The following NLGN1 variants were observed in gnomAD, a reference collection of about 807,000 sequenced individuals.
NLGN1 encodes the protein neuroligin-1.
A neutral mutation model predicts 65.5 loss-of-function variants in NLGN1; 12 were observed. The ratio of observed to expected loss-of-function variants is 0.18; its 90% confidence interval spans 0.12 to 0.30. The LOEUF is 0.30. NLGN1 is among the 10% of genes least tolerant of loss of function. The pLI, the probability that NLGN1 is intolerant of heterozygous loss-of-function variation, is 1.00. For missense variants in NLGN1, 750 were observed against 1,007.1 expected (o/e 0.74, Z 3.46); for synonymous variants, 350 against 359.5 (o/e 0.97, Z 0.30).
At chr3:173,848,478 T>C (rs1454706899) in intron 4 of NLGN1, among the ~76,000 whole-genome samples, 1 of 152,210 alleles carries the variant, frequency 6.6e-6, no homozygotes, top group Non-Finnish European at 1.5e-5. Context: ...TTCAAGTTAT[T>C]TATTTCATAA....
intron 4 of NLGN1, among the ~76,000 whole-genome samples, chr3:174,263,622 C>G (rs1747402961): frequency 6.6e-6 from 1 of 152,012 alleles, no homozygotes; most frequent in Non-Finnish European, 1.5e-5. Flanking sequence ...ACTGATGGGT[C>G]TTGACTCTTT....
intron 4 of NLGN1, among the ~76,000 whole-genome samples, chr3:174,109,980 A>G (rs998227693): frequency 3.3e-5 from 5 of 152,078 alleles, no homozygotes; most frequent in East Asian, 3.8e-4. Flanking sequence ...AAGAACTGCA[A>G]AAACCTAAAT....
At chr3:173,759,351 C>T (rs763538547) in intron 3 of NLGN1, among the ~76,000 whole-genome samples, 1 of 151,884 alleles carries the variant, frequency 6.6e-6, no homozygotes, top group Non-Finnish European at 1.5e-5. Context: ...ATTTATTCAA[C>T]CATTTTCCTA....
intron 4 of NLGN1, among the ~76,000 whole-genome samples, chr3:174,128,046 A>C (rs1719334529): frequency 1.3e-5 from 2 of 152,132 alleles, no homozygotes; most frequent in South Asian, 4.1e-4. Context: ...TCTCAATGAG[A>C]ATTTGTTGAA....
chr3:173,981,704 C>G (rs1718823323), intron 4 of NLGN1, among the ~76,000 whole-genome samples: 1 of 151,850 alleles, frequency 6.6e-6, no homozygotes. Flanking sequence ...ATAGTGTTTC[C>G]TCTTTGTGTA....
At position 174,116,007 on chromosome 3, in the gene NLGN1, T is replaced by C. The variant is rs1180350873; in HGVS notation, c.647-159308T>C. Among the ~76,000 whole-genome samples the C allele has an allele frequency of 2.0e-5, 3 of 152,166 alleles. No homozygotes were observed. The East Asian group carries it at 5.8e-4, about 29-fold the overall frequency. On this transcript the variant is annotated intron_variant, in intron 4 of 6. Transcript: ENST00000457714. ...GCATATGCCTTGTACCATCTAAAAT[T>C]TCCTAGTAAAAACTCTGAGAATATT...
chr3:174,082,031 A>G (rs989086375), intron 4 of NLGN1, among the ~76,000 whole-genome samples: 1 of 152,206 alleles, frequency 6.6e-6, no homozygotes, highest in Non-Finnish European at 1.5e-5. Context: ...TGTAAGATTG[A>G]TACTGAAAAA....
intron 3 of NLGN1, among the ~76,000 whole-genome samples, chr3:173,688,137 G>C (rs1404972003): frequency 9.2e-5 from 14 of 152,136 alleles, no homozygotes; most frequent in Non-Finnish European, 1.5e-5. Context: ...CTTTTCAAAG[G>C]CATTTTTTCA....
At chr3:173,743,322 G>A (rs1163605145) in intron 3 of NLGN1, among the ~76,000 whole-genome samples, 2 of 152,088 alleles carry the variant, frequency 1.3e-5, no homozygotes, top group Admixed American at 6.6e-5. Context: ...GTCCTAGAGT[G>A]TAGTCTAAAT....
chr3:174,178,629 A>G (rs1233750635), intron 4 of NLGN1, among the ~76,000 whole-genome samples: 2 of 152,068 alleles, frequency 1.3e-5, no homozygotes, highest in Non-Finnish European at 2.9e-5. Context: ...TAATGCAGGG[A>G]ATATGGTGGA....
At chr3:174,062,401 C>T (rs865868387) in intron 4 of NLGN1, among the ~76,000 whole-genome samples, 1 of 152,030 alleles carries the variant, frequency 6.6e-6, no homozygotes, top group African/African-American at 2.4e-5. Flanking sequence ...TTCATCAATA[C>T]CACATGTTGG....
chr3:173,796,111 A>G (rs1714007355), intron 3 of NLGN1, among the ~76,000 whole-genome samples: 1 of 152,138 alleles, frequency 6.6e-6, no homozygotes, highest in Admixed American at 6.6e-5. Context: ...TTTTGCAGAT[A>G]TGTGTGACAC....
intron 4 of NLGN1, among the ~76,000 whole-genome samples, chr3:174,186,230 A>G (rs1731372914): frequency 6.6e-6 from 1 of 152,098 alleles, no homozygotes; most frequent in Non-Finnish European, 1.5e-5. Flanking sequence ...ATGTTTTCCT[A>G]AAACAAACAT....
intron 4 of NLGN1, among the ~76,000 whole-genome samples, chr3:173,994,465 CAAAAAAAAA>C (rs1170577220): frequency 2.1e-4 from 7 of 32,916 alleles, no homozygotes; most frequent in Admixed American, 1.8e-3. Flanking sequence ...TTGAGAAAAG[CAAAAAAAAA>C]AAAAAAAAAA....
chr3:174,294,225 A>G, the NLGN1 span, among the ~76,000 whole-genome samples: 1 of 151,746 alleles, frequency 6.6e-6, no homozygotes, highest in Non-Finnish European at 1.5e-5. Context: ...GAGGTAAAAC[A>G]TCTTTTCTTA....
intron 2 of NLGN1, among the ~76,000 whole-genome samples, chr3:173,501,996 A>G (rs1354925197): frequency 6.6e-6 from 1 of 152,094 alleles, no homozygotes; most frequent in South Asian, 2.1e-4. Context: ...AGATCCTTAC[A>G]TGGTATCTGC....
At chr3:173,803,309 C>A (rs987716879) in intron 3 of NLGN1, among the ~76,000 whole-genome samples, 1 of 151,682 alleles carries the variant, frequency 6.6e-6, no homozygotes, top group Non-Finnish European at 1.5e-5. Context: ...GCTAATAATG[C>A]CTTCATATTA....
intron 4 of NLGN1, among the ~76,000 whole-genome samples, chr3:174,104,431 T>C (rs6779557): frequency 0.25 from 37,356 of 151,992 alleles, 5,670 homozygotes; most frequent in African/African-American, 0.43. Context: ...ATGTTTAGAA[T>C]TGTGTGTTCT....
chr3:173,478,162 A>G (rs188033633), intron 2 of NLGN1, among the ~76,000 whole-genome samples: 3 of 152,362 alleles, frequency 2.0e-5, no homozygotes, highest in African/African-American at 7.2e-5. Flanking sequence ...CCAAATGCCC[A>G]TAAATGATAG....
Sources: allele counts gnomAD v4.1 joint callset (sites outside exome capture counted in the v4.1 genomes callset), GRCh38; gene constraint gnomAD v4.1.1; transcripts MANE v1.5; gene names NCBI Gene and HGNC (gene_info 2026-07-23, HGNC 2026-07-21).